The following ZNF790 variants were observed in gnomAD, a reference collection of about 807,000 sequenced individuals.
ZNF790 encodes the protein zinc finger protein 790.
Under a neutral mutation model 12.1 loss-of-function variants are expected in ZNF790, and 8 were observed. The ratio of observed to expected loss-of-function variants is 0.66; its 90% CI spans 0.39 to 1.19. The LOEUF is 1.19. Ranked by LOEUF, ZNF790 falls within the 50% of genes most tolerant of loss-of-function variation. The probability of loss-of-function intolerance (pLI) is 0.01; values close to 1 mark genes in which losing one functional copy is unlikely to be tolerated. For missense variants in ZNF790, 707 were observed against 752.2 expected (o/e 0.94, Z 0.70); for synonymous variants, 252 against 244.3 (o/e 1.03, Z -0.29).
At chr19:36,841,624 A>ATAT (rs2072130095), upstream of ZNF790, among the ~76,000 whole-genome samples, 1 of 149,912 alleles carries the variant, frequency 6.7e-6, no homozygotes, top group African/African-American at 2.5e-5. Flanking sequence ...CATCTCAAAA[A>ATAT]ATATATATAT....
intron 1 of ZNF790, among the ~76,000 whole-genome samples, chr19:36,826,199 C>T (rs1214650096): frequency 1.3e-5 from 2 of 152,078 alleles, no homozygotes; most frequent in East Asian, 1.9e-4. Context: ...TGACAGTGAG[C>T]ATCAGGGTGG....
chr19:36,819,239 TAC>T lies in ZNF790; in HGVS notation c.1103_1104del (p.Cys368Ter). ...RIHTGEKSHE[C>X]KECGKAFIRG... is the part of the protein sequence containing the mutation. ...CGAATAAAGGCTTTTCCACATTCCT[TAC>T]ACTCATGAGATTTCTCACCAGTATG... On this transcript the variant is annotated frameshift_variant, in exon 5 of 5. Transcript: ENST00000356725. LOFTEE classifies it low-confidence loss of function (END_TRUNC). The T allele has an allele frequency of 2.5e-6, 4 of 1,613,990 alleles. No homozygotes were observed. Among genetic ancestry groups the T allele is most frequent in the Non-Finnish European group, 3.4e-6 (4 of 1,179,960 alleles).
chr19:36,820,566 A>T lies in ZNF790; in HGVS notation c.230-452T>A, dbSNP rs182958349. Among the ~76,000 whole-genome samples, 4 of 152,330 alleles carry T rather than the reference A, an allele frequency of 2.6e-5. No homozygotes were observed. The East Asian group carries it at 7.7e-4, about 29-fold the overall frequency. On this transcript the variant is annotated intron_variant, in intron 4 of 4. Transcript: ENST00000356725. ...GGATCTCAATAGCAGGGTATGCTGC[A>T]TTTAGGTTAAAGGAGATAATTATGG...
At chr19:36,846,283 G>T (rs559443886) in intron 1 of ZNF790, among the ~76,000 whole-genome samples, 6 of 152,272 alleles carry the variant, frequency 3.9e-5, no homozygotes, top group Admixed American at 3.9e-4. Context: ...ATGAGGCCAG[G>T]CGCAGTGGCT....
rs557815698 is a variant in ZNF790 at position 36,819,298 on chromosome 19, C to T, written c.1046G>A (p.Arg349His). Residue 349 changes from arginine to histidine, a missense_variant, in exon 5 of 5, where the codon CGT (arginine) becomes CAT (histidine). Physicochemically the swap from Arg to His is conservative, Grantham distance 29. Coordinates refer to ENST00000356725, the MANE Select transcript of ZNF790 (RefSeq NM_206894.4). ...CTGATGCTGAGTTAGGTGTGATCCA[C>T]GAGTAAAAGCTTTCCCACACTCCTT... ...ECKECGKAFT[R>H]GSHLTQHQRI... is the part of the protein sequence containing the mutation. 15 of 1,610,308 alleles carry T rather than the reference C, an allele frequency of 9.3e-6. No individual in the cohort carries two copies. The highest frequency in any genetic ancestry group is 6.7e-5 in the East Asian group (3 of 44,820).
At position 36,823,381 on chromosome 19, in the gene ZNF790, C is replaced by T. The variant is rs753335984; in HGVS notation, c.134-1G>A. The T allele has an allele frequency of 1.4e-5, 23 of 1,613,436 alleles. No individual in the cohort carries two copies. Among genetic ancestry groups the T allele is most frequent in the Non-Finnish European group, 1.9e-5 (22 of 1,179,798 alleles). On this transcript the variant is annotated splice_acceptor_variant, in intron 3 of 4. Coordinates refer to ENST00000356725, the MANE Select transcript of ZNF790 (RefSeq NM_206894.4). LOFTEE classifies it high-confidence loss of function. ...GCTTCTGGCTGATAAATGCAAAAACCTGCCCAGAAGATGAGAAACAGCAAA... is the reference window on the plus strand; with the variant it reads ...GCTTCTGGCTGATAAATGCAAAAACTTGCCCAGAAGATGAGAAACAGCAAA...
chr19:36,840,275 A>G (rs1210392519), upstream of ZNF790, among the ~76,000 whole-genome samples: 1 of 152,084 alleles, frequency 6.6e-6, no homozygotes, highest in African/African-American at 2.4e-5. Flanking sequence ...ACCAACCACT[A>G]CACGCCCAAG....
intron 1 of ZNF790, chr19:36,837,811 G>C (rs1020638401): frequency 1.3e-5 from 2 of 152,030 alleles, no homozygotes; most frequent in African/African-American, 2.4e-5. Context: ...AGAAACTCTT[G>C]AACTATGTTG....
upstream of ZNF790, chr19:36,850,611 C>T (rs1705188100): frequency 6.6e-6 from 1 of 152,078 alleles, no homozygotes; most frequent in South Asian, 2.1e-4. Context: ...CCTGGCCAAG[C>T]AAAAAGGGCT....
chr19:36,841,206 A>G (rs2072126953), upstream of ZNF790, among the ~76,000 whole-genome samples: 1 of 152,200 alleles, frequency 6.6e-6, no homozygotes, highest in African/African-American at 2.4e-5. Flanking sequence ...TAAATACACT[A>G]CAAGCACAGG....
intron 1 of ZNF790, among the ~76,000 whole-genome samples, chr19:36,847,749 C>CA (rs71842818): frequency 0.36 from 39,179 of 110,348 alleles, 5,410 homozygotes; most frequent in Middle Eastern, 0.52. Context: ...GACTCTGTCT[C>CA]AAAAAAAAAA....
rs1447622707 is a variant in ZNF790 at position 36,823,291 on chromosome 19, A to G, written c.223T>C (p.Cys75Arg). The change falls in exon 4 of 5, where the codon TGC becomes CGC. Residue 75 changes from cysteine to arginine, a missense_variant. Transcript: ENST00000356725. ...GTGTTCAGCCCTCACTCACCTGGGCAAGGTCCTCTTGTCTCATCCCTCAAA... is the reference window on the plus strand; with the variant it reads ...GTGTTCAGCCCTCACTCACCTGGGCGAGGTCCTCTTGTCTCATCCCTCAAA... ...KILRDETRGP[C>R]PDMQSRCQTK... The G allele has an allele frequency of 5.6e-6, 9 of 1,613,836 alleles. No individual in the cohort carries two copies. In the East Asian group the frequency reaches 1.8e-4, roughly 32 times the overall value.
chr19:36,830,826 T>C (rs909728636), intron 1 of ZNF790, among the ~76,000 whole-genome samples: 1 of 152,196 alleles, frequency 6.6e-6, no homozygotes, highest in Non-Finnish European at 1.5e-5. Flanking sequence ...AAATTAGATA[T>C]AACATGCGTA....
At chr19:36,831,743 C>G (rs2071949224) in intron 1 of ZNF790, among the ~76,000 whole-genome samples, 1 of 152,114 alleles carries the variant, frequency 6.6e-6, no homozygotes, top group Admixed American at 6.6e-5. Flanking sequence ...GAGGATATAT[C>G]TAAAACGATG....
At chr19:36,846,051 C>G (rs536462927) in intron 1 of ZNF790, among the ~76,000 whole-genome samples, 1 of 151,948 alleles carries the variant, frequency 6.6e-6, no homozygotes, top group Non-Finnish European at 1.5e-5. Context: ...TCAGGTGATA[C>G]GCCCATCTTG....
In ZNF790 at chr19:36,823,727, C is replaced by A. The variant is rs780668423; in HGVS notation, c.73G>T (p.Glu25Ter). 1.2e-6 allele frequency: 2 copies of A among 1,613,630 alleles called. No homozygotes were observed. The highest frequency in any genetic ancestry group is 1.1e-5 in the South Asian group (1 of 90,998). Residue 25 changes from glutamate (E) to a stop codon, truncating the protein, a stop_gained, in exon 3 of 5, where the codon GAA becomes TAA. Transcript: ENST00000356725. LOFTEE classifies it high-confidence loss of function. ...ACATCTCTATATAAATCCCTCTGTT[C>A]CAGGTCCAGGCACTCCCACTCCTCC... Reference protein sequence around the residue: ...SQEEWECLDLEQRDLYRDVML... With the variant: ...SQEEWECLDL
intron 1 of ZNF790, among the ~76,000 whole-genome samples, chr19:36,829,095 A>G (rs990961525): frequency 1.3e-5 from 2 of 152,172 alleles, no homozygotes; most frequent in Non-Finnish European, 2.9e-5. Flanking sequence ...GGCAAAACAC[A>G]TTGGTTGTAT....
At chr19:36,827,141 C>CAT (rs369671729) in intron 1 of ZNF790, among the ~76,000 whole-genome samples, 1,965 of 84,336 alleles carry the variant, frequency 0.023, 81 homozygotes, top group East Asian at 0.11. Flanking sequence ...CACACACACA[C>CAT]ATATATATAT....
intron 2 of ZNF790, among the ~76,000 whole-genome samples, chr19:36,824,286 G>A (rs1481310389): frequency 2.0e-5 from 3 of 150,722 alleles, no homozygotes; most frequent in Admixed American, 6.6e-5. Flanking sequence ...TGTGAGCCAC[G>A]ACACCCAGCC....
Sources: gnomAD v4.1 joint callset for allele counts (sites outside exome capture counted in the v4.1 genomes callset) on GRCh38, gnomAD v4.1.1 for gene constraint, MANE v1.5 for transcripts, NCBI Gene and HGNC (gene_info 2026-07-23, HGNC 2026-07-21) for gene names.